The following CNTNAP5 variants were observed in gnomAD, a reference collection of about 807,000 sequenced individuals.
CNTNAP5 encodes the protein contactin associated protein family member 5.
In CNTNAP5, 72 loss-of-function variants were observed where a neutral mutation model predicts 150.2. The observed-to-expected ratio is 0.48, with a 90% CI of 0.40 to 0.58. The LOEUF (loss-of-function observed/expected upper bound fraction) is 0.58, where lower values mean the gene tolerates loss of function less well. CNTNAP5 is among the 20% of genes least tolerant of loss of function. CNTNAP5 has a pLI of 0.00. For synonymous variants in CNTNAP5, 672 were observed against 619.8 expected (o/e 1.08, Z -1.25); for missense variants, 1,636 against 1,626.2 (o/e 1.01, Z -0.10).
At chr2:124,140,082 G>C (rs1264938858) in intron 1 of CNTNAP5, among the ~76,000 whole-genome samples, 8 of 151,858 alleles carry the variant, frequency 5.3e-5, no homozygotes, top group Non-Finnish European at 1.2e-4. Flanking sequence ...TTTTCAGACC[G>C]GCTTAAAAAA....
At chr2:124,190,875 T>G (rs1685442605) in intron 1 of CNTNAP5, among the ~76,000 whole-genome samples, 1 of 152,356 alleles carries the variant, frequency 6.6e-6, no homozygotes, top group Non-Finnish European at 1.5e-5. Flanking sequence ...AACTTTTGTT[T>G]ATATAAACTA....
At chr2:124,461,232 G>A (rs1458842993) in intron 6 of CNTNAP5, among the ~76,000 whole-genome samples, 1 of 152,076 alleles carries the variant, frequency 6.6e-6, no homozygotes, top group African/African-American at 2.4e-5. Flanking sequence ...GCAGACGTAT[G>A]TTTATTGCGG....
rs556140773 is a variant in CNTNAP5 at position 124,400,958 on chromosome 2, G to A, written c.382-16485G>A. On this transcript the variant is annotated intron_variant, in intron 3 of 23. Transcript: ENST00000682447. ...ATGATCTTGGCTCACTGCAACCTCCGCCTCCCGGGTTCAAGCGATTCTCCT... is the reference window on the plus strand; with the variant it reads ...ATGATCTTGGCTCACTGCAACCTCCACCTCCCGGGTTCAAGCGATTCTCCT... 2.4e-4 allele frequency among the ~76,000 whole-genome samples: 36 copies of A among 151,900 alleles called. 1 individual carries two copies. The highest frequency in any genetic ancestry group is 3.4e-3 in the Middle Eastern group (1 of 294).
intron 6 of CNTNAP5, among the ~76,000 whole-genome samples, chr2:124,453,227 T>A (rs1205847424): frequency 6.6e-6 from 1 of 151,996 alleles, no homozygotes; most frequent in African/African-American, 2.4e-5. Context: ...CTTAAAGAAA[T>A]GCAAAATGCT....
intron 13 of CNTNAP5, among the ~76,000 whole-genome samples, chr2:124,723,479 A>G (rs11123062): frequency 0.25 from 38,709 of 152,058 alleles, 5,557 homozygotes; most frequent in Non-Finnish European, 0.34. Flanking sequence ...GCCTTTGCAT[A>G]TTACCCAATT....
At chr2:124,717,680 T>A (rs947730113) in intron 13 of CNTNAP5, among the ~76,000 whole-genome samples, 4 of 152,184 alleles carry the variant, frequency 2.6e-5, no homozygotes, top group African/African-American at 9.7e-5. Flanking sequence ...TATGTGGATG[T>A]CAACTAGGCA....
At chr2:124,872,374 C>CTGTGTG (rs56024878) in intron 21 of CNTNAP5, among the ~76,000 whole-genome samples, 18 of 139,438 alleles carry the variant, frequency 1.3e-4, no homozygotes, top group South Asian at 2.4e-4. Context: ...TTTCCTTATG[C>CTGTGTG]TGTGTGTGTG....
intron 1 of CNTNAP5, among the ~76,000 whole-genome samples, chr2:124,115,190 A>G (rs1271011606): frequency 6.6e-6 from 1 of 152,182 alleles, no homozygotes; most frequent in Non-Finnish European, 1.5e-5. Flanking sequence ...ATGTGCAAAA[A>G]TCATAGATGT....
At chr2:124,291,025 G>T (rs116452382) in intron 3 of CNTNAP5, among the ~76,000 whole-genome samples, 3,514 of 152,100 alleles carry the variant, frequency 0.023, 115 homozygotes, top group African/African-American at 0.074. Flanking sequence ...AGATCCTCAT[G>T]GGCAGTAGAT....
At chr2:124,299,359 G>A (rs966459876) in intron 3 of CNTNAP5, among the ~76,000 whole-genome samples, 2 of 152,022 alleles carry the variant, frequency 1.3e-5, no homozygotes, top group African/African-American at 4.8e-5. Context: ...CCCTCCAAAA[G>A]GCCTCAGTGC....
At chr2:124,679,594 G>T (rs1410084542) in intron 13 of CNTNAP5, among the ~76,000 whole-genome samples, 4 of 151,278 alleles carry the variant, frequency 2.6e-5, no homozygotes, top group Non-Finnish European at 5.9e-5. Context: ...GGAGCGGGGA[G>T]TGGGGGACAG....
chr2:124,380,679 T>A (rs1276162431), intron 3 of CNTNAP5, among the ~76,000 whole-genome samples: 1 of 152,074 alleles, frequency 6.6e-6, no homozygotes, highest in Admixed American at 6.6e-5. Flanking sequence ...ATCCAATAAA[T>A]CTCCCTCCCC....
intron 1 of CNTNAP5, among the ~76,000 whole-genome samples, chr2:124,194,292 C>CACAGGTGGG (rs2104699173): frequency 6.8e-6 from 1 of 147,974 alleles, no homozygotes; most frequent in East Asian, 2.0e-4. Flanking sequence ...TATGGAGGAC[C>CACAGGTGGG]ACAGGTGGGA....
At chr2:124,094,145 G>A (rs1453115221) in intron 1 of CNTNAP5, among the ~76,000 whole-genome samples, 1 of 152,226 alleles carries the variant, frequency 6.6e-6, no homozygotes, top group Non-Finnish European at 1.5e-5. Context: ...AAAGGGGATG[G>A]TCTAAACGTG....
chr2:124,912,492 T>C (rs886575085), intron 23 of CNTNAP5, among the ~76,000 whole-genome samples: 4 of 151,974 alleles, frequency 2.6e-5, no homozygotes, highest in African/African-American at 9.7e-5. Context: ...GAGGTACAAA[T>C]GGCTATGGGA....
intron 1 of CNTNAP5, among the ~76,000 whole-genome samples, chr2:124,055,844 C>A (rs1681831813): frequency 1.3e-5 from 2 of 152,170 alleles, no homozygotes; most frequent in African/African-American, 2.4e-5. Context: ...ATTTGCCTGG[C>A]AGGACCTTCG....
At chr2:124,560,502 G>A (rs1199487924) in intron 10 of CNTNAP5, among the ~76,000 whole-genome samples, 1 of 128,416 alleles carries the variant, frequency 7.8e-6, no homozygotes, top group Non-Finnish European at 1.6e-5. Flanking sequence ...CTGGGTGACA[G>A]AGCAAGACTC....
chr2:124,515,292 G>A (rs1330382169), intron 8 of CNTNAP5, among the ~76,000 whole-genome samples: 1 of 152,108 alleles, frequency 6.6e-6, no homozygotes, highest in Non-Finnish European at 1.5e-5. Context: ...CAGAGCGGGG[G>A]GTGTCCCAAA....
At chr2:124,268,762 C>T (rs1396392639) in intron 3 of CNTNAP5, among the ~76,000 whole-genome samples, 1 of 152,152 alleles carries the variant, frequency 6.6e-6, no homozygotes, top group Non-Finnish European at 1.5e-5. Flanking sequence ...ACACCTTGGT[C>T]CCATAGGTGC....
Sources: gnomAD v4.1 joint callset for allele counts (sites outside exome capture counted in the v4.1 genomes callset) on GRCh38, gnomAD v4.1.1 for gene constraint, MANE v1.5 for transcripts, NCBI Gene and HGNC (gene_info 2026-07-23, HGNC 2026-07-21) for gene names.